EPC2: variants seen among roughly 807,000 people sequenced by gnomAD.
EPC2 encodes enhancer of polycomb 2, also known as enhancer of polycomb homolog 2.
In EPC2, 14 loss-of-function variants were observed where a neutral mutation model predicts 92.1. That is an observed-to-expected ratio of 0.15 (90% CI 0.10 to 0.24). The LOEUF (loss-of-function observed/expected upper bound fraction) is 0.24. Ranked by LOEUF, EPC2 falls within the 10% of genes least tolerant of loss-of-function variation. The probability of loss-of-function intolerance (pLI) is 1.00; values close to 1 mark genes in which losing one functional copy is unlikely to be tolerated. For missense variants in EPC2, 755 were observed against 971.5 expected, an observed-to-expected ratio of 0.78 and a Z score of 2.96; for synonymous variants, 340 against 334.7, an observed-to-expected ratio of 1.02 and a Z score of -0.17.
At chr2:148,728,728 TC>T (rs1318698992) in intron 2 of EPC2, among the ~76,000 whole-genome samples, 1 of 149,606 alleles carries the variant, frequency 6.7e-6, no homozygotes, top group Non-Finnish European at 1.5e-5. Flanking sequence ...AGGCCTTTCC[TC>T]TTTTTTTTTT....
At chr2:148,677,590 C>T (rs1181464756) in intron 1 of EPC2, among the ~76,000 whole-genome samples, 5 of 152,044 alleles carry the variant, frequency 3.3e-5, no homozygotes, top group Non-Finnish European at 5.9e-5. Flanking sequence ...GCAGTGTGTC[C>T]GGAATTGGTG....
intron 3 of EPC2, among the ~76,000 whole-genome samples, chr2:148,752,903 T>C (rs186087772): frequency 6.6e-6 from 1 of 152,306 alleles, no homozygotes; most frequent in African/African-American, 2.4e-5. Flanking sequence ...AGAAAAATTT[T>C]CATTTCCAAG....
At chr2:148,710,515 T>C (rs776977954) in intron 2 of EPC2, among the ~76,000 whole-genome samples, 6 of 152,158 alleles carry the variant, frequency 3.9e-5, no homozygotes, top group Non-Finnish European at 7.4e-5. Context: ...ACCCAAAGGA[T>C]TATAAATCAT....
At position 148,785,020 on chromosome 2, in the gene EPC2, G is replaced by A; in HGVS notation, c.2351+19G>A. 1 of 1,466,688 alleles carries A rather than the reference G, an allele frequency of 6.8e-7. No homozygotes were observed. Among genetic ancestry groups the A allele is most frequent in the Non-Finnish European group, 9.0e-7 (1 of 1,107,616 alleles). The allele number at this position is 1,466,688 out of a possible 1,614,324, so 90.9% of individuals were successfully genotyped here. On this transcript the variant is annotated intron_variant, in intron 13 of 13. Transcript: ENST00000258484. ...TAGCAAGGTGTGTGTGTGTGTTTCA[G>A]TGATTTTTCTCCCTTTGTGCTGGCT...
At chr2:148,661,380 T>A (rs1680929892) in intron 1 of EPC2, among the ~76,000 whole-genome samples, 1 of 152,162 alleles carries the variant, frequency 6.6e-6, no homozygotes, top group Non-Finnish European at 1.5e-5. Flanking sequence ...TTTTATATCC[T>A]GCAACTTTAT....
At chr2:148,734,560 G>A (rs969817393) in intron 2 of EPC2, among the ~76,000 whole-genome samples, 5 of 151,954 alleles carry the variant, frequency 3.3e-5, no homozygotes, top group Admixed American at 3.3e-4. Flanking sequence ...CTACTAATAG[G>A]GTATAGTAAT....
chr2:148,683,488 G>C (rs950098436), intron 1 of EPC2, among the ~76,000 whole-genome samples: 10 of 151,910 alleles, frequency 6.6e-5, no homozygotes, highest in Non-Finnish European at 1.5e-4. Context: ...GGATTGTCTC[G>C]ATCTCCTGAT....
intron 2 of EPC2, among the ~76,000 whole-genome samples, chr2:148,739,039 T>C (rs1682823488): frequency 6.6e-6 from 1 of 152,184 alleles, no homozygotes; most frequent in Non-Finnish European, 1.5e-5. Flanking sequence ...CTGGAGAACA[T>C]GTACCCAGAA....
At chr2:148,722,310 C>A (rs1682395059) in intron 2 of EPC2, among the ~76,000 whole-genome samples, 1 of 152,100 alleles carries the variant, frequency 6.6e-6, no homozygotes, top group South Asian at 2.1e-4. Context: ...GGGTATTTCT[C>A]TTCTCCTGCA....
chr2:148,687,906 C>T (rs16829159), intron 1 of EPC2, among the ~76,000 whole-genome samples: 20,890 of 152,108 alleles, frequency 0.14, 2,401 homozygotes, highest in East Asian at 0.46. Flanking sequence ...TATCATCTTA[C>T]CTTCCTTTTA....
At chr2:148,728,185 C>T (rs766829668) in intron 2 of EPC2, among the ~76,000 whole-genome samples, 5 of 152,122 alleles carry the variant, frequency 3.3e-5, no homozygotes, top group Non-Finnish European at 5.9e-5. Context: ...CAAGCAGTCT[C>T]CCACCTCGGC....
intron 1 of EPC2, among the ~76,000 whole-genome samples, chr2:148,662,928 T>C (rs930595495): frequency 3.9e-5 from 6 of 152,016 alleles, no homozygotes. Flanking sequence ...TCAAAGCTTC[T>C]AATTTTATTT....
intron 3 of EPC2, 112 bp from the exon 4 acceptor site, chr2:148,753,815 T>C: frequency 1.4e-6 from 1 of 720,890 alleles, no homozygotes; most frequent in South Asian, 1.9e-5. Flanking sequence ...TACTATAATA[T>C]TATCTGTTAG....
chr2:148,693,727 G>A (rs1302785604), intron 2 of EPC2, among the ~76,000 whole-genome samples: 5 of 152,076 alleles, frequency 3.3e-5, no homozygotes, highest in Non-Finnish European at 7.4e-5. Flanking sequence ...CACTAATAAT[G>A]AGATCTTTGT....
At chr2:148,706,904 G>T (rs1242629759) in intron 2 of EPC2, among the ~76,000 whole-genome samples, 1 of 152,084 alleles carries the variant, frequency 6.6e-6, no homozygotes, top group Non-Finnish European at 1.5e-5. Context: ...ATGCCAAATT[G>T]TAAAGACCAT....
intron 1 of EPC2, among the ~76,000 whole-genome samples, chr2:148,653,778 G>A (rs754843111): frequency 6.8e-6 from 1 of 146,170 alleles, no homozygotes; most frequent in Non-Finnish European, 1.5e-5. Context: ...ATTCAGTTTT[G>A]CTGCTAATTT....
At chr2:148,697,718 A>T (rs1015593205) in intron 2 of EPC2, among the ~76,000 whole-genome samples, 1 of 152,190 alleles carries the variant, frequency 6.6e-6, no homozygotes, top group Non-Finnish European at 1.5e-5. Flanking sequence ...ACATGCATGC[A>T]TGTGTGCACG....
intron 1 of EPC2, chr2:148,645,516 C>A: frequency 3.9e-6 from 1 of 256,026 alleles, no homozygotes; most frequent in South Asian, 5.7e-5. Context: ...CTCTCAGGCG[C>A]GGGGCTAATT....
At chr2:148,671,851 A>T (rs937698580) in intron 1 of EPC2, among the ~76,000 whole-genome samples, 4 of 147,944 alleles carry the variant, frequency 2.7e-5, no homozygotes, top group African/African-American at 9.9e-5. Flanking sequence ...TAGAGGAGGA[A>T]TTTTTTTTTT....
Sources: allele counts gnomAD v4.1 joint callset (sites outside exome capture counted in the v4.1 genomes callset), GRCh38; gene constraint gnomAD v4.1.1; transcripts MANE v1.5; gene names NCBI Gene and HGNC (gene_info 2026-07-23, HGNC 2026-07-21).